The following NBEA variants were observed in gnomAD, a reference collection of about 807,000 sequenced individuals.
NBEA encodes the protein neurobeachin.
In NBEA, 44 loss-of-function variants were observed where a neutral mutation model predicts 343.4. The ratio of observed to expected loss-of-function variants is 0.13; its 90% CI spans 0.10 to 0.16. The LOEUF is 0.16. Among genes scored for constraint, NBEA ranks in the 10% least tolerant of loss-of-function variants. The pLI, the probability that NBEA is intolerant of heterozygous loss-of-function variation, is 1.00. For missense variants in NBEA, 2,555 were observed against 3,631.3 expected (o/e 0.70, Z 7.62); for synonymous variants, 1,175 against 1,238.7 (o/e 0.95, Z 1.08).
chr13:35,639,975 A>T (rs1022073486), intron 49 of NBEA, among the ~76,000 whole-genome samples: 34 of 151,154 alleles, frequency 2.2e-4, no homozygotes, highest in Non-Finnish European at 4.1e-4. Flanking sequence ...AAAAAAAAAA[A>T]GCAGTTGTAA....
chr13:35,045,179 T>C, intron 3 of NBEA, 127 bp from the exon 4 acceptor site: 2 of 1,198,146 alleles, frequency 1.7e-6, no homozygotes, highest in Non-Finnish European at 2.3e-6. Flanking sequence ...ATTTAGTAAA[T>C]GTTTTGTAAA....
chr13:35,375,224 A>G (rs1012230863), intron 38 of NBEA, among the ~76,000 whole-genome samples: 1 of 152,136 alleles, frequency 6.6e-6, no homozygotes, highest in African/African-American at 2.4e-5. Context: ...GCTCAATTAA[A>G]ATCAAGATTT....
intron 38 of NBEA, among the ~76,000 whole-genome samples, chr13:35,415,886 C>T (rs1453976611): frequency 1.3e-5 from 2 of 151,948 alleles, no homozygotes; most frequent in African/African-American, 2.4e-5. Flanking sequence ...TTCTTCCATT[C>T]GTTTGTGTCC....
At chr13:35,324,637 A>AT (rs1223816719) in intron 36 of NBEA, among the ~76,000 whole-genome samples, 1 of 152,154 alleles carries the variant, frequency 6.6e-6, no homozygotes, top group Non-Finnish European at 1.5e-5. Flanking sequence ...ACATAAATAC[A>AT]TTTTGCACAT....
In NBEA at chr13:35,118,367, AT is replaced by A; in HGVS notation, c.2146-7del. 6.3e-7 allele frequency: 1 copy of A among 1,597,080 alleles called. No homozygotes were observed. Among genetic ancestry groups the A allele is most frequent in the Admixed American group, 1.7e-5 (1 of 58,206 alleles). ...GTAAAATTTTAAATCAACATTGGTG[AT>A]TTATGCAGGATGAAAATATTCATGA... On this transcript the variant is annotated splice_polypyrimidine_tract_variant and intron_variant, in intron 15 of 58. Transcript: ENST00000379939.
intron 30 of NBEA, among the ~76,000 whole-genome samples, chr13:35,195,136 A>T (rs965885024): frequency 7.2e-5 from 11 of 152,124 alleles, no homozygotes; most frequent in Non-Finnish European, 1.0e-4. Context: ...AAGAAAGTAT[A>T]AAAATGACTT....
intron 47 of NBEA, among the ~76,000 whole-genome samples, chr13:35,606,141 A>G (rs183451520): frequency 1.4e-4 from 22 of 152,248 alleles, no homozygotes; most frequent in East Asian, 3.9e-4. Context: ...GTTAATTTGT[A>G]TACTCATTTC....
chr13:35,526,168 G>A (rs1241103229), intron 41 of NBEA, among the ~76,000 whole-genome samples: 1 of 152,020 alleles, frequency 6.6e-6, no homozygotes, highest in Non-Finnish European at 1.5e-5. Context: ...AAAATGTGTG[G>A]TATGTATATA....
chr13:35,644,858 A>G (rs1352315307), intron 49 of NBEA, among the ~76,000 whole-genome samples: 2 of 152,212 alleles, frequency 1.3e-5, no homozygotes, highest in Admixed American at 6.5e-5. Context: ...AAATTTAGTT[A>G]AATAGTCACA....
chr13:35,013,595 C>T (rs1170750065), intron 1 of NBEA, among the ~76,000 whole-genome samples: 7 of 151,856 alleles, frequency 4.6e-5, no homozygotes, highest in South Asian at 2.1e-4. Context: ...CTCTGCCTCC[C>T]GAGTAGCTGG....
intron 41 of NBEA, among the ~76,000 whole-genome samples, chr13:35,506,592 C>A (rs962360270): frequency 6.6e-6 from 1 of 152,038 alleles, no homozygotes; most frequent in Admixed American, 6.6e-5. Flanking sequence ...GTGTTCTGTC[C>A]GTCCCTCACT....
At chr13:35,541,536 C>T (rs2153005669) in intron 41 of NBEA, among the ~76,000 whole-genome samples, 1 of 152,138 alleles carries the variant, frequency 6.6e-6, no homozygotes, top group African/African-American at 2.4e-5. Flanking sequence ...TAGCTGGTGT[C>T]CCAAATAGTT....
intron 36 of NBEA, among the ~76,000 whole-genome samples, chr13:35,338,769 C>T (rs1309718884): frequency 6.6e-6 from 1 of 151,992 alleles, no homozygotes; most frequent in Non-Finnish European, 1.5e-5. Flanking sequence ...AGATCTACGT[C>T]AGCAATATGT....
intron 30 of NBEA, among the ~76,000 whole-genome samples, chr13:35,187,867 T>C (rs1345747131): frequency 6.6e-6 from 1 of 152,166 alleles, no homozygotes; most frequent in Non-Finnish European, 1.5e-5. Flanking sequence ...GACTACCTTC[T>C]AGTTTTTTAA....
intron 55 of NBEA, among the ~76,000 whole-genome samples, chr13:35,658,553 A>G (rs140527797): frequency 1.0e-3 from 159 of 152,278 alleles, no homozygotes; most frequent in African/African-American, 3.7e-3. Flanking sequence ...AGAGTTTACA[A>G]GAATCTACTT....
chr13:35,115,823 A>C (rs1406008536), intron 13 of NBEA, among the ~76,000 whole-genome samples: 1 of 152,172 alleles, frequency 6.6e-6, no homozygotes, highest in African/African-American at 2.4e-5. Flanking sequence ...ACATATGTTG[A>C]TCTATTTAAT....
intron 10 of NBEA, among the ~76,000 whole-genome samples, chr13:35,083,000 C>A (rs1046572642): frequency 6.6e-6 from 1 of 152,072 alleles, no homozygotes; most frequent in Admixed American, 6.6e-5. Flanking sequence ...GCCCATGCCT[C>A]TGTCCTGAAT....
rs1042627341 is a variant in NBEA, at chr13:35,300,753, A to G, written c.5839-8775A>G. 2.0e-5 allele frequency among the ~76,000 whole-genome samples: 3 copies of G among 152,210 alleles called. No homozygotes were observed. In the East Asian group the frequency reaches 5.8e-4, roughly 29 times the overall value. On this transcript the variant is annotated intron_variant, in intron 35 of 58. Transcript: ENST00000379939. ...TGTCATAGGTATTGCACTTTTCCAT[A>G]GGAGTCAGGCCTAAAAATTCATCGG...
chr13:35,025,451 G>T (rs1304161552), intron 1 of NBEA, among the ~76,000 whole-genome samples: 1 of 151,982 alleles, frequency 6.6e-6, no homozygotes, highest in Non-Finnish European at 1.5e-5. Context: ...TGTTAATGTT[G>T]ACTTTGTTGA....
Sources: gnomAD v4.1 joint callset for allele counts (sites outside exome capture counted in the v4.1 genomes callset) on GRCh38, gnomAD v4.1.1 for gene constraint, MANE v1.5 for transcripts, NCBI Gene and HGNC (gene_info 2026-07-23, HGNC 2026-07-21) for gene names.